Variants in CBL observed in about 807,000 individuals in gnomAD.
The protein encoded by CBL is Cbl proto-oncogene, also known as E3 ubiquitin-protein ligase CBL.
Under a neutral mutation model 96.9 loss-of-function variants are expected in CBL, and 45 were observed. That is an observed-to-expected ratio of 0.46 (90% CI 0.37 to 0.60). CBL has a LOEUF of 0.60. Among genes scored for constraint, CBL ranks in the 20% least tolerant of loss-of-function variants. The probability of loss-of-function intolerance (pLI) is 0.00; values close to 1 mark genes in which losing one functional copy is unlikely to be tolerated. For missense variants in CBL, 1,024 were observed against 1,143.5 expected (o/e 0.90, Z 1.51); for synonymous variants, 420 against 426.8 (o/e 0.98, Z 0.20).
intron 2 of CBL, among the ~76,000 whole-genome samples, chr11:119,242,113 G>A (rs1949591056): frequency 6.6e-6 from 1 of 152,210 alleles, no homozygotes; most frequent in African/African-American, 2.4e-5. Flanking sequence ...ATGTTAGATT[G>A]ATGAGACTAG....
chr11:119,272,651 G>A (rs1051904389), intron 3 of CBL, among the ~76,000 whole-genome samples: 4 of 152,160 alleles, frequency 2.6e-5, no homozygotes, highest in Admixed American at 6.5e-5. Context: ...TAACGCTGGC[G>A]ATGTGAATTG....
Position 119,299,937 on chromosome 11 carries a change from G to T in CBL, c.*156G>T. Reference sequence around the variant, plus strand: ...TCAGTGGTTCCAAGATTTCAAAGTGGTGAAATGAAAATGGAGCAGCTAGTA... The same window carrying T: ...TCAGTGGTTCCAAGATTTCAAAGTGTTGAAATGAAAATGGAGCAGCTAGTA... On this transcript the variant is annotated 3_prime_UTR_variant, in exon 16 of 16. Coordinates refer to ENST00000264033, the MANE Select transcript of CBL (RefSeq NM_005188.4). 1 of 781,732 alleles carries T rather than the reference G, an allele frequency of 1.3e-6. No individual in the cohort carries two copies. Among genetic ancestry groups the T allele is most frequent in the Non-Finnish European group, 2.2e-6 (1 of 452,030 alleles). The allele number at this position is 781,732 out of a possible 1,614,324, so 48.4% of individuals were successfully genotyped here.
chr11:119,295,326 A>G (rs1950055977), intron 12 of CBL, among the ~76,000 whole-genome samples: 1 of 152,182 alleles, frequency 6.6e-6, no homozygotes, highest in South Asian at 2.1e-4. Flanking sequence ...GTTGAATTAC[A>G]CAACAGAAAC....
rs749291716 is a variant in CBL at position 119,273,860 on chromosome 11, C to T, written c.591-8C>T. On this transcript the variant is annotated splice_polypyrimidine_tract_variant and splice_region_variant and intron_variant, in intron 3 of 15. Transcript: ENST00000264033. ...TCACTTTATGCCTCCTCTCCACCCC[C>T]TCCCCAGGACAATAGTCCCTTGGAA... 6.2e-7 allele frequency: 1 copy of T among 1,613,194 alleles called. No homozygotes were observed. The highest frequency in any genetic ancestry group is 8.5e-7 in the Non-Finnish European group (1 of 1,179,138).
At chr11:119,212,109 G>A (rs1361764577) in intron 1 of CBL, among the ~76,000 whole-genome samples, 16 of 146,416 alleles carry the variant, frequency 1.1e-4, no homozygotes, top group Middle Eastern at 4.1e-3. Context: ...AGTAGAGATG[G>A]GGTTTCTCCA....
Position 119,269,246 on chromosome 11 carries a change from C to CTTTT in CBL, c.444-2473_444-2470dup, listed in dbSNP as rs11317875. Among the ~76,000 whole-genome samples the CTTTT allele has an allele frequency of 1.0e-4, 12 of 118,332 alleles. No homozygotes were observed. The South Asian group carries it at 1.7e-3, about 17-fold the overall frequency. The allele number at this position is 118,332 out of a possible 152,430, so 77.6% of individuals were successfully genotyped here. ...ATGGACTTTAAAGATTGGATAAGTG[C>CTTTT]TTTTTTTTTTTTTTTTTTTGGACCG... On this transcript the variant is annotated intron_variant, in intron 2 of 15. Coordinates refer to ENST00000264033, the MANE Select transcript of CBL (RefSeq NM_005188.4).
At chr11:119,219,844 CGACTATT>C (rs1949393944) in intron 1 of CBL, among the ~76,000 whole-genome samples, 1 of 135,620 alleles carries the variant, frequency 7.4e-6, no homozygotes, top group Non-Finnish European at 1.5e-5. Context: ...CCACCACGCC[CGACTATT>C]TTTTTTTTTT....
rs117476598 is a variant in CBL at position 119,286,681 on chromosome 11, G to A, written c.1941+1115G>A. On this transcript the variant is annotated intron_variant, in intron 11 of 15. Transcript: ENST00000264033. ...CCCTCTCCCAAAAGAATTTTAATTTGTATGGTAGGAAATGAAGAGCATTTG... is the reference window on the plus strand; with the variant it reads ...CCCTCTCCCAAAAGAATTTTAATTTATATGGTAGGAAATGAAGAGCATTTG... 8.9e-3 allele frequency among the ~76,000 whole-genome samples: 1,361 copies of A among 152,152 alleles called. 16 individuals are homozygous for A. Among genetic ancestry groups the A allele is most frequent in the African/African-American group, 0.025 (1,055 of 41,502 alleles).
chr11:119,265,953 G>A (rs1483395368), intron 2 of CBL, among the ~76,000 whole-genome samples: 1 of 146,632 alleles, frequency 6.8e-6, no homozygotes, highest in Non-Finnish European at 1.5e-5. Flanking sequence ...ACCCGGGAGA[G>A]AGGGTGCAGT....
chr11:119,278,320 T>C (rs1377711320), intron 8 of CBL, 23 bp downstream of exon 8: 2 of 1,613,780 alleles, frequency 1.2e-6, no homozygotes, highest in East Asian at 2.2e-5. Flanking sequence ...ACAGCGACTT[T>C]TTTCAGCTAT....
At chr11:119,266,916 G>T (rs1949806976) in intron 2 of CBL, among the ~76,000 whole-genome samples, 1 of 152,196 alleles carries the variant, frequency 6.6e-6, no homozygotes, top group South Asian at 2.1e-4. Context: ...TTCCTTTGTG[G>T]ATCTTTGGAG....
chr11:119,264,388 T>TTTCTCTTCTCTTCTCTTTTCTCTTCTC (rs1949780256), intron 2 of CBL, among the ~76,000 whole-genome samples: 3 of 133,776 alleles, frequency 2.2e-5, no homozygotes, highest in Non-Finnish European at 3.1e-5. Context: ...TTTCTTTTCT[T>TTTCTCTTCTCTTCTCTTTTCTCTTCTC]TTCTCTTCTC....
intron 12 of CBL, among the ~76,000 whole-genome samples, chr11:119,293,096 G>C (rs998037369): frequency 2.7e-5 from 4 of 146,262 alleles, no homozygotes; most frequent in African/African-American, 7.5e-5. Flanking sequence ...AAAATGTATC[G>C]ATTCCATCCT....
chr11:119,229,040 C>A (rs939180701), intron 1 of CBL, among the ~76,000 whole-genome samples: 1 of 152,072 alleles, frequency 6.6e-6, no homozygotes, highest in Non-Finnish European at 1.5e-5. Flanking sequence ...CACTTATCTC[C>A]TTTTCTCTTC....
At chr11:119,283,446 T>A (rs888297641) in intron 9 of CBL, among the ~76,000 whole-genome samples, 1 of 152,060 alleles carries the variant, frequency 6.6e-6, no homozygotes, top group African/African-American at 2.4e-5. Flanking sequence ...GTAGCATTTT[T>A]TTTTTAATGA....
chr11:119,285,106 G>A lies in CBL; in HGVS notation c.1563+6G>A, dbSNP rs182849504. ...CTCTTGGAACTGCTTCTAAGGTAAA[G>A]CATTTTCCATTACTGCAGTTTTTGG... On this transcript the variant is annotated splice_donor_region_variant and intron_variant, in intron 10 of 15. Transcript: ENST00000264033. 2.5e-6 allele frequency: 4 copies of A among 1,614,110 alleles called. No homozygotes were observed. The highest frequency in any genetic ancestry group is 2.2e-5 in the East Asian group (1 of 44,886).
At chr11:119,255,831 T>C (rs2135283859) in intron 2 of CBL, among the ~76,000 whole-genome samples, 1 of 152,236 alleles carries the variant, frequency 6.6e-6, no homozygotes, top group South Asian at 2.1e-4. Flanking sequence ...TGGATTTTGA[T>C]ACCTATTCTA....
chr11:119,274,517 AG>A (rs1257896091), intron 4 of CBL, among the ~76,000 whole-genome samples: 3 of 152,214 alleles, frequency 2.0e-5, no homozygotes, highest in African/African-American at 4.8e-5. Context: ...GGAACTTATT[AG>A]TTGCACCTAT....
chr11:119,277,239 GCGCACACACACACACACA>G (rs1949896408), intron 6 of CBL, among the ~76,000 whole-genome samples: 1 of 138,258 alleles, frequency 7.2e-6, no homozygotes. Context: ...AGAATCTGTC[GCGCACACACACACACACA>G]CACACACACA....
Sources: gnomAD v4.1 joint callset for allele counts (sites outside exome capture counted in the v4.1 genomes callset) on GRCh38, gnomAD v4.1.1 for gene constraint, MANE v1.5 for transcripts, NCBI Gene and HGNC (gene_info 2026-07-23, HGNC 2026-07-21) for gene names.